PHF24: variants seen among roughly 807,000 people sequenced by gnomAD.
The protein encoded by PHF24 is Galpha inhibitory interacting protein.
A neutral mutation model predicts 42.6 loss-of-function variants in PHF24; 25 were observed. That is an observed-to-expected ratio of 0.59 (90% CI 0.43 to 0.82). The LOEUF is 0.82. Ranked by LOEUF, PHF24 falls within the 40% of genes least tolerant of loss-of-function variation. The probability of loss-of-function intolerance (pLI) is 0.00; values close to 1 mark genes in which losing one functional copy is unlikely to be tolerated. For missense variants in PHF24, 470 were observed against 538.1 expected (o/e 0.87, Z 1.25); for synonymous variants, 185 against 204.8 (o/e 0.90, Z 0.83).
At chr9:34,774,644 G>A in the PHF24 span, among the ~76,000 whole-genome samples, 2 of 152,020 alleles carry the variant, frequency 1.3e-5, no homozygotes, top group South Asian at 4.2e-4. Context: ...GCGGTGGCGG[G>A]CACCTGTAAT....
At chr9:34,710,670 C>T in the PHF24 span, among the ~76,000 whole-genome samples, 3 of 151,554 alleles carry the variant, frequency 2.0e-5, no homozygotes, top group African/African-American at 7.3e-5. Context: ...CGAGGTTTCA[C>T]GATGTCTAGC....
At chr9:34,701,129 AGCCTAG>A in the PHF24 span, among the ~76,000 whole-genome samples, 1 of 152,156 alleles carries the variant, frequency 6.6e-6, no homozygotes, top group Non-Finnish European at 1.5e-5. The surrounding 1 kb of genome is among the most constrained non-coding windows in gnomAD (Gnocchi z 5.8). Flanking sequence ...CATTCAGCCC[AGCCTAG>A]CCTCATCCTT....
the PHF24 span, among the ~76,000 whole-genome samples, chr9:34,680,575 C>T: frequency 3.4e-5 from 5 of 147,212 alleles, no homozygotes; most frequent in South Asian, 2.1e-4. Flanking sequence ...GTAGTCCCGG[C>T]TACTTGGGAG....
the PHF24 span, among the ~76,000 whole-genome samples, chr9:34,861,842 T>C: frequency 1.8e-4 from 28 of 152,276 alleles, no homozygotes; most frequent in South Asian, 8.3e-4. Flanking sequence ...TTCCCATAGG[T>C]TAAGGCATCA....
chr9:34,919,679 G>T, the PHF24 span, among the ~76,000 whole-genome samples: 3 of 56,738 alleles, frequency 5.3e-5, no homozygotes, highest in African/African-American at 1.5e-4. Context: ...TATTTTTCTT[G>T]TACCCAGTAA....
At chr9:34,693,543 G>A in the PHF24 span, among the ~76,000 whole-genome samples, 3 of 151,986 alleles carry the variant, frequency 2.0e-5, no homozygotes, top group Non-Finnish European at 4.4e-5. Flanking sequence ...CTGAGGATGG[G>A]GTCCAGCAAA....
At chr9:34,918,837 A>T in the PHF24 span, among the ~76,000 whole-genome samples, 6 of 152,198 alleles carry the variant, frequency 3.9e-5, no homozygotes, top group Non-Finnish European at 5.9e-5. Context: ...GCATGATTTC[A>T]GCATGAACAG....
chr9:34,849,666 C>T, the PHF24 span, among the ~76,000 whole-genome samples: 3 of 152,238 alleles, frequency 2.0e-5, no homozygotes, highest in Admixed American at 1.3e-4. Flanking sequence ...GGTTATTTTG[C>T]TCGTTAGTTG....
At chr9:34,754,103 G>A in the PHF24 span, among the ~76,000 whole-genome samples, 1 of 152,050 alleles carries the variant, frequency 6.6e-6, no homozygotes, top group Non-Finnish European at 1.5e-5. Context: ...GGCCAAAAAT[G>A]TATGGAGTAA....
the PHF24 span, among the ~76,000 whole-genome samples, chr9:34,787,477 T>C: frequency 3.3e-5 from 5 of 152,134 alleles, no homozygotes; most frequent in Admixed American, 6.5e-5. Flanking sequence ...AGCCAAACCC[T>C]CAGCCTATAG....
the PHF24 span, among the ~76,000 whole-genome samples, chr9:34,721,664 G>C: frequency 1.3e-5 from 2 of 152,048 alleles, no homozygotes; most frequent in Non-Finnish European, 2.9e-5. Flanking sequence ...ACCTGCCTCG[G>C]CCTCCCAAAG....
At chr9:34,800,769 A>G in the PHF24 span, among the ~76,000 whole-genome samples, 1 of 152,248 alleles carries the variant, frequency 6.6e-6, no homozygotes, top group Admixed American at 6.5e-5. Context: ...CAAAGGCTTC[A>G]TGACTAAAAC....
chr9:34,793,805 C>A, the PHF24 span, among the ~76,000 whole-genome samples: 2 of 151,210 alleles, frequency 1.3e-5, no homozygotes, highest in Non-Finnish European at 2.9e-5. Context: ...AGTGTCCCAG[C>A]CCCCAAGCAA....
the PHF24 span, among the ~76,000 whole-genome samples, chr9:34,842,776 T>C: frequency 5.3e-3 from 803 of 152,356 alleles, 1 homozygote; most frequent in Middle Eastern, 0.014. Flanking sequence ...TAAAACTGTG[T>C]GTGTTTAATT....
chr9:34,786,943 CAGA>C, the PHF24 span, among the ~76,000 whole-genome samples: 46,467 of 151,880 alleles, frequency 0.31, 7,480 homozygotes, highest in East Asian at 0.56. Flanking sequence ...GGATTTCCAA[CAGA>C]AGGCCAGAGT....
At chr9:34,977,294 T>A (rs1380164930) in intron 6 of PHF24, 51 bp downstream of exon 6, 1 of 1,533,994 alleles carries the variant, frequency 6.5e-7, no homozygotes, top group South Asian at 1.3e-5. Context: ...TCCTCCCTTT[T>A]CCATGCCAGT....
the PHF24 span, among the ~76,000 whole-genome samples, chr9:34,818,254 C>G: frequency 1.3e-5 from 2 of 152,046 alleles, no homozygotes; most frequent in African/African-American, 4.8e-5. Context: ...TTGCATTGTT[C>G]CTGATAGTAG....
the PHF24 span, among the ~76,000 whole-genome samples, chr9:34,692,485 C>T: frequency 1.3e-5 from 2 of 152,138 alleles, no homozygotes; most frequent in Admixed American, 6.5e-5. Context: ...CTAGGGTTTG[C>T]AGTCTTTACC....
the PHF24 span, chr9:34,834,501 T>A: frequency 6.4e-7 from 1 of 1,551,606 alleles, no homozygotes; most frequent in Non-Finnish European, 8.7e-7. Flanking sequence ...CGATGGCGAA[T>A]CGACTGTTTC....
Sources: gnomAD v4.1 joint callset for allele counts (sites outside exome capture counted in the v4.1 genomes callset) on GRCh38, gnomAD v4.1.1 for gene constraint, Gnocchi (gnomAD v3.1) non-coding constraint, MANE v1.5 for transcripts, NCBI Gene and HGNC (gene_info 2026-07-23, HGNC 2026-07-21) for gene names.